Variants in XKR4 observed in about 807,000 individuals in gnomAD.
XKR4 encodes the protein XK related 4.
In XKR4, 12 loss-of-function variants were observed where a neutral mutation model predicts 53.9. The observed-to-expected ratio is 0.22, with a 90% CI of 0.14 to 0.36. The LOEUF (loss-of-function observed/expected upper bound fraction) is 0.36, where lower values mean the gene tolerates loss of function less well. XKR4 is among the 10% of genes least tolerant of loss of function. XKR4 has a pLI of 1.00. For synonymous variants in XKR4, 354 were observed against 362.4 expected (o/e 0.98, Z 0.26); for missense variants, 799 against 859.5 (o/e 0.93, Z 0.88).
intron 1 of XKR4, among the ~76,000 whole-genome samples, chr8:55,341,794 C>T (rs575793353): frequency 6.6e-6 from 1 of 152,074 alleles, no homozygotes; most frequent in African/African-American, 2.4e-5. Context: ...CTGAGAGAAG[C>T]TGGATCCTTG....
Position 55,295,271 on chromosome 8 carries a change from C to T in XKR4, c.807-62407C>T, listed in dbSNP as rs146998214. Among the ~76,000 whole-genome samples, 431 of 152,112 alleles carry T rather than the reference C, an allele frequency of 2.8e-3. 2 individuals carry two copies. Among genetic ancestry groups the T allele is most frequent in the African/African-American group, 9.1e-3 (377 of 41,502 alleles). ...GTAGTAATGAATGACATGAGAAAGA[C>T]GGAAAAGTATTATGAGAAGGCACAG... On this transcript the variant is annotated intron_variant, in intron 1 of 2. Transcript: ENST00000327381.
chr8:55,267,835 T>C (rs1045384269), intron 1 of XKR4, among the ~76,000 whole-genome samples: 19 of 152,208 alleles, frequency 1.2e-4, no homozygotes, highest in African/African-American at 4.3e-4. Flanking sequence ...TCACGTCCAA[T>C]TATTTCTTAG....
intron 1 of XKR4, among the ~76,000 whole-genome samples, chr8:55,123,510 A>G (rs1816419849): frequency 6.6e-6 from 1 of 152,216 alleles, no homozygotes; most frequent in African/African-American, 2.4e-5. Flanking sequence ...GGAATCTCAG[A>G]ACCCTTCAGT....
chr8:55,163,903 A>T (rs1297921823), intron 1 of XKR4, among the ~76,000 whole-genome samples: 2 of 152,258 alleles, frequency 1.3e-5, no homozygotes, highest in Admixed American at 6.5e-5. Flanking sequence ...AATGTTAATT[A>T]GTACCAATAA....
At chr8:55,127,826 T>A (rs1816495062) in intron 1 of XKR4, among the ~76,000 whole-genome samples, 1 of 150,310 alleles carries the variant, frequency 6.7e-6, no homozygotes, top group East Asian at 2.0e-4. Context: ...TGAGAACATG[T>A]GGTGTTTGGT....
chr8:55,474,244 A>G (rs933706482), intron 2 of XKR4, among the ~76,000 whole-genome samples: 4 of 152,066 alleles, frequency 2.6e-5, no homozygotes, highest in Non-Finnish European at 5.9e-5. Context: ...ACACTTACTA[A>G]CTTACTGATC....
rs572928604 is a variant in XKR4 at position 55,299,259 on chromosome 8, A to C, written c.807-58419A>C. Among the ~76,000 whole-genome samples the C allele has an allele frequency of 9.2e-5, 14 of 152,266 alleles. No individual in the cohort carries two copies. In the East Asian group the frequency reaches 1.4e-3, roughly 15 times the overall value. The stretch of plus-strand genomic sequence containing the variant: ...TGATAATAAGCACCCTCCAGGACAA[A>C]GTGGAGATATTTCTGGCAGCCTGAG... On this transcript the variant is annotated intron_variant, in intron 1 of 2. Transcript: ENST00000327381.
At chr8:55,278,335 TAAA>T (rs202025635) in intron 1 of XKR4, among the ~76,000 whole-genome samples, 21 of 123,580 alleles carry the variant, frequency 1.7e-4, no homozygotes, top group Non-Finnish European at 2.0e-4. Flanking sequence ...AGATCCTGTC[TAAA>T]AAAAAAAAAA....
chr8:55,484,352 A>G (rs1048893320), intron 2 of XKR4, among the ~76,000 whole-genome samples: 5 of 152,222 alleles, frequency 3.3e-5, no homozygotes, highest in African/African-American at 1.2e-4. Context: ...CTGACTCTAC[A>G]TGTAAAACAA....
At chr8:55,363,322 A>C (rs1031342902) in intron 2 of XKR4, among the ~76,000 whole-genome samples, 4 of 152,180 alleles carry the variant, frequency 2.6e-5, no homozygotes, top group Non-Finnish European at 5.9e-5. Context: ...AATATGAAAA[A>C]AACTCCTTTT....
At position 55,397,517 on chromosome 8, in the gene XKR4, C is replaced by G. The variant is rs547808806; in HGVS notation, c.1006+39640C>G. Among the ~76,000 whole-genome samples, 3 of 151,976 alleles carry G rather than the reference C, an allele frequency of 2.0e-5. No individual in the cohort carries two copies. In the East Asian group the frequency reaches 5.8e-4, roughly 29 times the overall value. ...GCCAAGTGGCACAGTCAGGAACAAC[C>G]AGGTTGAATACTGTTAGTGGGCTGT... On this transcript the variant is annotated intron_variant, in intron 2 of 2. Transcript: ENST00000327381.
In XKR4 at chr8:55,499,690, G is replaced by A. The variant is rs79906996; in HGVS notation, c.1007-23591G>A. Among the ~76,000 whole-genome samples, 806 of 152,310 alleles carry A rather than the reference G, an allele frequency of 5.3e-3. 7 individuals carry two copies. Among genetic ancestry groups the A allele is most frequent in the African/African-American group, 0.018 (731 of 41,572 alleles). On this transcript the variant is annotated intron_variant, in intron 2 of 2. Coordinates refer to ENST00000327381, the MANE Select transcript of XKR4 (RefSeq NM_052898.2). Reference sequence around the variant, plus strand: ...AAAGAATTCAAGGCAACTGACTACAGCAGCTTGGCAGAGAGAGCCGTCACA... The same window carrying A: ...AAAGAATTCAAGGCAACTGACTACAACAGCTTGGCAGAGAGAGCCGTCACA...
At chr8:55,185,453 A>G (rs1817363259) in intron 1 of XKR4, among the ~76,000 whole-genome samples, 1 of 152,214 alleles carries the variant, frequency 6.6e-6, no homozygotes, top group African/African-American at 2.4e-5. Context: ...GATGGACAGA[A>G]ACAGAAAATA....
intron 1 of XKR4, among the ~76,000 whole-genome samples, chr8:55,112,592 G>GTTTTTTTTTTT (rs1563459297): frequency 6.1e-5 from 7 of 114,032 alleles, no homozygotes; most frequent in Admixed American, 1.1e-4. Flanking sequence ...TTTTTTTAGG[G>GTTTTTTTTTTT]AGCAGAGAGT....
chr8:55,117,900 C>T lies in XKR4; in HGVS notation c.806+14606C>T, dbSNP rs536456441. Among the ~76,000 whole-genome samples the T allele has an allele frequency of 5.9e-4, 90 of 152,272 alleles. 1 individual carries two copies. Among genetic ancestry groups the T allele is most frequent in the African/African-American group, 2.1e-3 (87 of 41,566 alleles). The stretch of plus-strand genomic sequence containing the variant: ...TTCTGCTGACCACCAGGGTGACCAC[C>T]AGCTGTTGGACTCAAATTTGAGTCT... On this transcript the variant is annotated intron_variant, in intron 1 of 2. Coordinates refer to ENST00000327381, the MANE Select transcript of XKR4 (RefSeq NM_052898.2).
chr8:55,249,783 C>G (rs1332366747), intron 1 of XKR4, among the ~76,000 whole-genome samples: 2 of 152,172 alleles, frequency 1.3e-5, no homozygotes, highest in African/African-American at 2.4e-5. Context: ...GTCTAGTATT[C>G]TGTGGAATTA....
intron 1 of XKR4, among the ~76,000 whole-genome samples, chr8:55,256,895 C>T (rs1437538801): frequency 2.0e-5 from 3 of 152,136 alleles, no homozygotes; most frequent in Admixed American, 2.0e-4. Flanking sequence ...ATATATTGCT[C>T]ACACTTCTGG....
chr8:55,334,662 T>A (rs1411421151), intron 1 of XKR4, among the ~76,000 whole-genome samples: 1 of 152,136 alleles, frequency 6.6e-6, no homozygotes, highest in Non-Finnish European at 1.5e-5. Context: ...TTTCAGAATT[T>A]TAAAGTAATT....
At chr8:55,452,555 G>A (rs559567301) in intron 2 of XKR4, 2 of 729,414 alleles carry the variant, frequency 2.7e-6, no homozygotes, top group African/African-American at 3.4e-5. Flanking sequence ...GTTTCTAGAT[G>A]GGCATCAGCC....
Sources: allele counts gnomAD v4.1 joint callset (sites outside exome capture counted in the v4.1 genomes callset), GRCh38; gene constraint gnomAD v4.1.1; transcripts MANE v1.5; gene names NCBI Gene and HGNC (gene_info 2026-07-23, HGNC 2026-07-21).